NRG1: variants seen among roughly 807,000 people sequenced by gnomAD.
NRG1 encodes the protein pro-neuregulin-1, membrane-bound isoform.
In NRG1, 18 loss-of-function variants were observed where a neutral mutation model predicts 63.8. The ratio of observed to expected loss-of-function variants is 0.28; its 90% CI spans 0.19 to 0.42. The LOEUF (loss-of-function observed/expected upper bound fraction) is 0.42, where lower values mean the gene tolerates loss of function less well. Ranked by LOEUF, NRG1 falls within the 10% of genes least tolerant of loss-of-function variation. NRG1 has a pLI of 1.00. For synonymous variants in NRG1, 302 were observed against 301.3 expected (o/e 1.00, Z -0.02); for missense variants, 762 against 814.7 (o/e 0.94, Z 0.79).
At chr8:32,599,945 T>C (rs1844030453) in intron 2 of NRG1, among the ~76,000 whole-genome samples, 1 of 152,184 alleles carries the variant, frequency 6.6e-6, no homozygotes, top group Non-Finnish European at 1.5e-5. Flanking sequence ...TTTTTGACTT[T>C]ATAATGGAAA....
At chr8:32,042,437 C>T (rs1416105591) in intron 1 of NRG1, among the ~76,000 whole-genome samples, 1 of 150,290 alleles carries the variant, frequency 6.7e-6, no homozygotes, top group Non-Finnish European at 1.5e-5. Context: ...TAGAGCAAGA[C>T]CTAAAAATTA....
intron 1 of NRG1, among the ~76,000 whole-genome samples, chr8:32,375,797 G>A (rs1322442169): frequency 1.3e-5 from 2 of 152,114 alleles, no homozygotes; most frequent in African/African-American, 2.4e-5. Context: ...AGTGTATTAA[G>A]GGCTGGCTTT....
intron 1 of NRG1, among the ~76,000 whole-genome samples, chr8:31,784,762 TC>T (rs1488022317): frequency 6.6e-6 from 1 of 152,122 alleles, no homozygotes; most frequent in East Asian, 1.9e-4. Flanking sequence ...CACCAACTGC[TC>T]CTGCCAGAAA....
At chr8:31,647,418 G>T (rs1300069798) in intron 1 of NRG1, among the ~76,000 whole-genome samples, 1 of 152,212 alleles carries the variant, frequency 6.6e-6, no homozygotes, top group Non-Finnish European at 1.5e-5. Flanking sequence ...GTCGGCCCTG[G>T]AGGCACTGTG....
In NRG1 at chr8:32,252,386, G is replaced by A. The variant is rs189928681; in HGVS notation, c.38-343442G>A. Among the ~76,000 whole-genome samples, 1,399 of 152,258 alleles carry A rather than the reference G, an allele frequency of 9.2e-3. 34 individuals are homozygous for A. The highest frequency in any genetic ancestry group is 0.031 in the African/African-American group (1,305 of 41,550). ...TAATTTTTGTATAAGGTGTAAGGAA[G>A]AGGTCCAGTTTCAGTTTTTTGCATA... On this transcript the variant is annotated intron_variant, in intron 1 of 10. Transcript: ENST00000519301.
At chr8:32,066,674 C>G (rs1824875316) in intron 1 of NRG1, among the ~76,000 whole-genome samples, 1 of 152,098 alleles carries the variant, frequency 6.6e-6, no homozygotes, top group South Asian at 2.1e-4. Flanking sequence ...AATGAGGACT[C>G]TTTTTTGGTT....
chr8:32,027,716 G>A lies in NRG1; in HGVS notation c.37+388285G>A, dbSNP rs577212929. ...GGGAATACTGGGTGATGAAGGCAGG[G>A]ATCTAGTCTTAGATACTCTGCAGCC... On this transcript the variant is annotated intron_variant, in intron 1 of 10. Coordinates refer to the NRG1 transcript ENST00000519301. Among the ~76,000 whole-genome samples the A allele has an allele frequency of 2.7e-4, 41 of 152,200 alleles. 1 individual carries two copies. Among genetic ancestry groups the A allele is most frequent in the African/African-American group, 9.9e-4 (41 of 41,532 alleles).
At chr8:31,686,895 G>C (rs1273292395) in intron 1 of NRG1, among the ~76,000 whole-genome samples, 1 of 150,118 alleles carries the variant, frequency 6.7e-6, no homozygotes, top group Admixed American at 6.6e-5. Context: ...AGCCTTCTGA[G>C]TAGCTGGGAT....
At chr8:32,078,173 C>T (rs1826896361) in intron 1 of NRG1, among the ~76,000 whole-genome samples, 1 of 152,184 alleles carries the variant, frequency 6.6e-6, no homozygotes, top group Admixed American at 6.5e-5. Flanking sequence ...GGTGGGGCCT[C>T]ACTGGAGGTG....
intron 1 of NRG1, among the ~76,000 whole-genome samples, chr8:32,209,289 A>G (rs1239481539): frequency 2.0e-5 from 3 of 152,134 alleles, no homozygotes; most frequent in Admixed American, 2.0e-4. Context: ...ATTTAATACT[A>G]ACATTCTGGT....
At chr8:31,748,852 A>G (rs1313686819) in intron 1 of NRG1, among the ~76,000 whole-genome samples, 3 of 151,856 alleles carry the variant, frequency 2.0e-5, no homozygotes, top group Admixed American at 6.6e-5. Context: ...AGAAACTCCA[A>G]GTACAGTGAT....
At chr8:31,785,668 A>G (rs575508532) in intron 1 of NRG1, among the ~76,000 whole-genome samples, 1 of 152,336 alleles carries the variant, frequency 6.6e-6, no homozygotes, top group Non-Finnish European at 1.5e-5. Context: ...AGACACTTAA[A>G]TTGAAAATTA....
At chr8:31,994,495 A>G (rs962410335) in intron 1 of NRG1, among the ~76,000 whole-genome samples, 4 of 151,626 alleles carry the variant, frequency 2.6e-5, no homozygotes, top group Admixed American at 6.6e-5. Flanking sequence ...TCTACATAAA[A>G]TTTAAAAAGT....
At chr8:31,709,852 T>G (rs1316341563) in intron 1 of NRG1, among the ~76,000 whole-genome samples, 1 of 151,852 alleles carries the variant, frequency 6.6e-6, no homozygotes. Context: ...AGTTTAGCTG[T>G]GCTTCATACA....
At chr8:32,722,107 G>A in intron 5 of NRG1, 4 of 1,305,266 alleles carry the variant, frequency 3.1e-6, no homozygotes, top group Non-Finnish European at 4.2e-6. Context: ...CATTTAAAAT[G>A]TGCATATTTT....
intron 3 of NRG1, among the ~76,000 whole-genome samples, chr8:32,607,575 A>G (rs562378249): frequency 6.6e-6 from 1 of 152,274 alleles, no homozygotes; most frequent in South Asian, 2.1e-4. Context: ...AACCCATAGA[A>G]TTCCTTTTTT....
chr8:32,117,478 C>G (rs527436318), intron 1 of NRG1, among the ~76,000 whole-genome samples: 13 of 151,920 alleles, frequency 8.6e-5, no homozygotes, highest in Admixed American at 7.9e-4. Context: ...AAATGCCCCC[C>G]ATTAACATAA....
chr8:32,349,477 AGT>A (rs1805322663), intron 1 of NRG1, among the ~76,000 whole-genome samples: 1 of 152,162 alleles, frequency 6.6e-6, no homozygotes, highest in Non-Finnish European at 1.5e-5. Context: ...ACACATGGGA[AGT>A]GTGAAGGAGA....
chr8:31,939,112 T>G (rs1309907460), intron 1 of NRG1, among the ~76,000 whole-genome samples: 1 of 152,122 alleles, frequency 6.6e-6, no homozygotes, highest in Non-Finnish European at 1.5e-5. Context: ...CACACAGTCA[T>G]CAGGTTATCT....
Sources: gnomAD v4.1 joint callset for allele counts (sites outside exome capture counted in the v4.1 genomes callset) on GRCh38, gnomAD v4.1.1 for gene constraint, MANE v1.5 for transcripts, NCBI Gene and HGNC (gene_info 2026-07-23, HGNC 2026-07-21) for gene names.